The following URGCP variants were observed in gnomAD, a reference collection of about 807,000 sequenced individuals.
URGCP encodes upregulator of cell proliferation.
A neutral mutation model predicts 24.6 loss-of-function variants in URGCP; 13 were observed. The observed-to-expected ratio is 0.53, with a 90% CI of 0.34 to 0.84. The LOEUF (loss-of-function observed/expected upper bound fraction) is 0.84. URGCP is among the 40% of genes least tolerant of loss of function. The pLI, the probability that URGCP is intolerant of heterozygous loss-of-function variation, is 0.01. For missense variants in URGCP, 899 were observed against 1,194.3 expected (o/e 0.75, Z 3.64); for synonymous variants, 444 against 487.2 (o/e 0.91, Z 1.17).
intron 5 of URGCP, among the ~76,000 whole-genome samples, chr7:43,880,627 C>T (rs1348129403): frequency 6.6e-6 from 1 of 151,962 alleles, no homozygotes; most frequent in Non-Finnish European, 1.5e-5. Context: ...TTTGTAGAGA[C>T]GGGATTTTGC....
intron 4 of URGCP, 45 bp downstream of exon 4, chr7:43,881,862 C>T (rs767010112): frequency 1.2e-6 from 2 of 1,608,280 alleles, no homozygotes; most frequent in Non-Finnish European, 1.7e-6. Context: ...TTACCCACTC[C>T]CCCTCTCCCC....
chr7:43,906,632 C>G, upstream of URGCP: 2 of 1,164,814 alleles, frequency 1.7e-6, no homozygotes, highest in Non-Finnish European at 1.1e-6. Flanking sequence ...GGCCGCGGCT[C>G]GGCGCCGGGG....
intron 1 of URGCP, among the ~76,000 whole-genome samples, chr7:43,905,132 A>C (rs1585829218): frequency 1.3e-5 from 2 of 152,252 alleles, no homozygotes; most frequent in East Asian, 3.9e-4. Context: ...ACACCAGTGA[A>C]GCATTAAGTC....
intron 3 of URGCP, among the ~76,000 whole-genome samples, chr7:43,885,352 C>T (rs888250690): frequency 1.3e-5 from 2 of 152,116 alleles, no homozygotes; most frequent in Admixed American, 6.5e-5. Flanking sequence ...CTGCCTATCT[C>T]GGCCTCCCAA....
chr7:43,892,727 G>A (rs1585809956), intron 1 of URGCP, among the ~76,000 whole-genome samples: 1 of 152,094 alleles, frequency 6.6e-6, no homozygotes, highest in Admixed American at 6.5e-5. Flanking sequence ...CCTTCTAGGG[G>A]GACACAAGTC....
At chr7:43,916,538 G>T (rs1049640214) in intron 1 of URGCP, among the ~76,000 whole-genome samples, 1 of 152,152 alleles carries the variant, frequency 6.6e-6, no homozygotes, top group African/African-American at 2.4e-5. Flanking sequence ...AAGTGAAAAG[G>T]TACAGCACAG....
chr7:43,915,003 G>A (rs1389209679), intron 1 of URGCP, among the ~76,000 whole-genome samples: 2 of 152,232 alleles, frequency 1.3e-5, no homozygotes, highest in Non-Finnish European at 2.9e-5. Flanking sequence ...AAGAATGGGG[G>A]TGGAGCCACC....
chr7:43,906,676 G>A (rs1264433869), upstream of URGCP: 7 of 1,106,648 alleles, frequency 6.3e-6, no homozygotes, highest in African/African-American at 1.7e-5. Context: ...CGCCCGCTCC[G>A]GGACGCGCTC....
intron 3 of URGCP, among the ~76,000 whole-genome samples, chr7:43,885,364 G>A (rs988245826): frequency 2.0e-5 from 3 of 152,110 alleles, no homozygotes; most frequent in African/African-American, 4.8e-5. Flanking sequence ...GCCTCCCAAA[G>A]TGCTGGGATA....
chr7:43,881,571 G>A, intron 5 of URGCP, 88 bp downstream of exon 5: 1 of 1,586,946 alleles, frequency 6.3e-7, no homozygotes, highest in Non-Finnish European at 8.6e-7. Context: ...CTCCCCAGGT[G>A]ATTTGATACA....
At chr7:43,916,614 T>A (rs2095915719) in intron 1 of URGCP, among the ~76,000 whole-genome samples, 1 of 151,818 alleles carries the variant, frequency 6.6e-6, no homozygotes, top group South Asian at 2.1e-4. Flanking sequence ...CATGCTAGTA[T>A]CCATGGCATA....
intron 1 of URGCP, among the ~76,000 whole-genome samples, chr7:43,913,349 C>T (rs555830841): frequency 1.8e-4 from 27 of 152,092 alleles, no homozygotes; most frequent in African/African-American, 5.5e-4. Context: ...GCTGGGACTA[C>T]AGGCGCCTGC....
intron 3 of URGCP, among the ~76,000 whole-genome samples, chr7:43,885,884 T>C (rs2095861362): frequency 6.6e-6 from 1 of 152,206 alleles, no homozygotes; most frequent in African/African-American, 2.4e-5. Flanking sequence ...TCTGTTTAAT[T>C]TTAAACAATG....
chr7:43,923,207 C>A (rs1338603149), intron 1 of URGCP, among the ~76,000 whole-genome samples: 1 of 151,374 alleles, frequency 6.6e-6, no homozygotes, highest in Admixed American at 6.6e-5. Flanking sequence ...TGGTCTCAAA[C>A]TCCTGACCTC....
At chr7:43,887,571 G>A in intron 2 of URGCP, 86 bp from the exon 3 acceptor site, 1 of 1,536,080 alleles carries the variant, frequency 6.5e-7, no homozygotes, top group Non-Finnish European at 8.8e-7. Context: ...AAATCTCTTG[G>A]AGAGCTTTTA....
At chr7:43,912,377 T>C (rs993606336) in intron 1 of URGCP, among the ~76,000 whole-genome samples, 1 of 152,112 alleles carries the variant, frequency 6.6e-6, no homozygotes, top group Non-Finnish European at 1.5e-5. Context: ...CGCACGCCTG[T>C]AGTCCCAGCT....
At chr7:43,920,512 A>C (rs1460992020) in intron 1 of URGCP, among the ~76,000 whole-genome samples, 2 of 152,192 alleles carry the variant, frequency 1.3e-5, no homozygotes, top group East Asian at 3.9e-4. Flanking sequence ...GCAGTGAGCC[A>C]AGATCGCACC....
chr7:43,918,057 T>A (rs978765738), intron 1 of URGCP, among the ~76,000 whole-genome samples: 2 of 152,016 alleles, frequency 1.3e-5, no homozygotes, highest in African/African-American at 4.8e-5. Flanking sequence ...GTGGATCACT[T>A]GAGGTCAGGA....
intron 1 of URGCP, chr7:43,919,769 G>A: frequency 7.4e-7 from 1 of 1,357,824 alleles, no homozygotes; most frequent in South Asian, 1.2e-5. Context: ...CCAGCATCCA[G>A]GTGGCCCTGT....
Sources: gnomAD v4.1 joint callset for allele counts (sites outside exome capture counted in the v4.1 genomes callset) on GRCh38, gnomAD v4.1.1 for gene constraint, MANE v1.5 for transcripts, NCBI Gene and HGNC (gene_info 2026-07-23, HGNC 2026-07-21) for gene names.